The following MKI67 variants were observed in gnomAD, a reference collection of about 807,000 sequenced individuals.
MKI67 encodes proliferation marker protein Ki-67.
A neutral mutation model predicts 233.5 loss-of-function variants in MKI67; 152 were observed. The observed-to-expected ratio is 0.65, with a 90% CI of 0.57 to 0.74. The LOEUF is 0.74. Ranked by LOEUF, MKI67 falls within the 30% of genes least tolerant of loss-of-function variation. The pLI, the probability that MKI67 is intolerant of heterozygous loss-of-function variation, is 0.00. For synonymous variants in MKI67, 1,465 were observed against 1,418.5 expected (o/e 1.03, Z -0.74); for missense variants, 3,940 against 3,885.2 (o/e 1.01, Z -0.37).
chr10:128,125,771 C>A lies in MKI67; in HGVS notation c.-89-15G>T. Reference sequence around the variant, plus strand: ...CAACTCTTCCACTGCAAAAGAGGTGCGAGTTACTCTGATAGCAAAGGAGCT... The same window carrying A: ...CAACTCTTCCACTGCAAAAGAGGTGAGAGTTACTCTGATAGCAAAGGAGCT... On this transcript the variant is annotated splice_polypyrimidine_tract_variant and intron_variant, in intron 1 of 14. Coordinates refer to ENST00000368654, the MANE Select transcript of MKI67 (RefSeq NM_002417.5). The surrounding 1 kb of genome is among the most constrained non-coding windows in gnomAD (Gnocchi z 5.3). 1 of 952,644 alleles carries A rather than the reference C, an allele frequency of 1.0e-6. No individual in the cohort carries two copies. Among genetic ancestry groups the A allele is most frequent in the Non-Finnish European group, 1.7e-6 (1 of 589,930 alleles). The allele number at this position is 952,644 out of a possible 1,614,324, so 59.0% of individuals were successfully genotyped here.
At position 128,108,490 on chromosome 10, in the gene MKI67, T is replaced by C; in HGVS notation, c.3350A>G (p.Glu1117Gly). The change falls in exon 13 of 15, where the codon GAA becomes GGA. Residue 1117 changes from glutamate (E) to glycine (G), a missense_variant. Coordinates refer to ENST00000368654, the MANE Select transcript of MKI67 (RefSeq NM_002417.5). Reference sequence around the variant, plus strand: ...GGTAGTTTTCTCATCAGTCATTGATTCCTCAGAGGGACCTGGTGTCTGGAA... The same window carrying C: ...GGTAGTTTTCTCATCAGTCATTGATCCCTCAGAGGGACCTGGTGTCTGGAA... ...ELFQTPGPSE[E>G]SMTDEKTTKI... 2 of 1,613,972 alleles carry C rather than the reference T, an allele frequency of 1.2e-6. No homozygotes were observed. The highest frequency in any genetic ancestry group is 1.7e-6 in the Non-Finnish European group (2 of 1,180,012).
chr10:128,109,173 C>A lies in MKI67; in HGVS notation c.2667G>T (p.Val889=), dbSNP rs751978357. Reference sequence around the variant, plus strand: ...TATTTGTTTCTTCACTCTTACTTTCCACAGGTAGCTTCTGTATATTCCTGA... The same window carrying A: ...TATTTGTTTCTTCACTCTTACTTTCAACAGGTAGCTTCTGTATATTCCTGA... ...TEFRNIQKLP[V]ESKSEETNTE... The change falls in exon 13 of 15, where the codon GTG becomes GTT. Residue 889 remains valine, a synonymous_variant. Transcript: ENST00000368654. 1 of 1,614,118 alleles carries A rather than the reference C, an allele frequency of 6.2e-7. No homozygotes were observed.
chr10:128,103,779 T>A lies in MKI67; in HGVS notation c.8061A>T (p.Glu2687Asp). 1 of 1,613,898 alleles carries A rather than the reference T, an allele frequency of 6.2e-7. No individual in the cohort carries two copies. The highest frequency in any genetic ancestry group is 8.5e-7 in the Non-Finnish European group (1 of 1,179,980). ...EDLAGFTELSETSGHTQESLT... is the reference protein window; with the variant it reads ...EDLAGFTELSDTSGHTQESLT... ...GTGATTCCTGAGTGTGACCTGATGT[T>A]TCAGAGAGCTCTGTGAAGCCGGCCA... The change falls in exon 13 of 15, where the codon GAA becomes GAT. Residue 2687 changes from glutamate to aspartate, a missense_variant. Glu to Asp is a conservative substitution (Grantham distance 45). Coordinates refer to ENST00000368654, the MANE Select transcript of MKI67 (RefSeq NM_002417.5).
At chr10:128,111,863 C>A in intron 10 of MKI67, 47 bp from the exon 11 acceptor site, 1 of 1,608,068 alleles carries the variant, frequency 6.2e-7, no homozygotes. Flanking sequence ...AGCATAAATC[C>A]ACACTGAATG....
intron 14 of MKI67, 127 bp downstream of exon 14, chr10:128,101,131 T>C: frequency 1.2e-6 from 1 of 834,368 alleles, no homozygotes; most frequent in East Asian, 2.5e-5. Context: ...CTCCTTCCAT[T>C]AATGTAACTG....
At position 128,106,554 on chromosome 10, in the gene MKI67, T is replaced by G; in HGVS notation, c.5286A>C (p.Ala1762=). The change falls in exon 13 of 15, where the codon GCA becomes GCC. Residue 1762 remains alanine, a synonymous_variant. Coordinates refer to ENST00000368654, the MANE Select transcript of MKI67 (RefSeq NM_002417.5). ...KPQPKRSLRK[A]DTEEEFLAFR... ...ATGCTAAAAATTCTTCTTCAGTGTC[T>G]GCTTTCCTGAGACTTCTCTTGGGCT... 2 of 1,614,180 alleles carry G rather than the reference T, an allele frequency of 1.2e-6. No individual in the cohort carries two copies. Among genetic ancestry groups the G allele is most frequent in the Non-Finnish European group, 1.7e-6 (2 of 1,180,004 alleles).
chr10:128,103,234 G>T lies in MKI67; in HGVS notation c.8606C>A (p.Thr2869Lys). 1 of 1,614,070 alleles carries T rather than the reference G, an allele frequency of 6.2e-7. No homozygotes were observed. Among genetic ancestry groups the T allele is most frequent in the Non-Finnish European group, 8.5e-7 (1 of 1,180,024 alleles). Residue 2869 changes from threonine to lysine, a missense_variant, in exon 13 of 15, where the codon ACG becomes AAG. By Grantham distance (78) the Thr-to-Lys change is moderately conservative. Transcript: ENST00000368654. ...GKLTQTSGET[T>K]HTDKEPVGEG... ...ACCTACCGGCTCTTTGTCGGTGTGC[G>T]TGGTCTCCCCTGAGGTTTGTGTGAG...
At position 128,105,926 on chromosome 10, in the gene MKI67, T is replaced by C; in HGVS notation, c.5914A>G (p.Thr1972Ala). Residue 1972 changes from threonine (T) to alanine (A), a missense_variant, in exon 13 of 15, where the codon ACC becomes GCC. Transcript: ENST00000368654. ...GATACTTCTGTGATTTTGTCATCGG[T>C]CATTGATTCCTCAGTGTGACCTGGT... ...QTPGHTEESM[T>A]DDKITEVSCK... 1 of 1,614,074 alleles carries C rather than the reference T, an allele frequency of 6.2e-7. No homozygotes were observed. Among genetic ancestry groups the C allele is most frequent in the Non-Finnish European group, 8.5e-7 (1 of 1,180,002 alleles).
Position 128,107,270 on chromosome 10 carries a change from ATTC to A in MKI67, c.4567_4569del (p.Glu1523del), listed in dbSNP as rs774715163. 1.3e-4 allele frequency: 208 copies of A among 1,613,804 alleles called. No homozygotes were observed. In the African/African-American group the frequency reaches 2.3e-3, roughly 18 times the overall value. Reference sequence around the variant, plus strand: ...GGTGTTCGTTTCCTGAGTGCGAAGAATTCTTCTTCTACGTCCACTTTCCTGAGA... The same window carrying A: ...GGTGTTCGTTTCCTGAGTGCGAAGAATTCTTCTACGTCCACTTTCCTGAGA... On this transcript the variant is annotated inframe_deletion, in exon 13 of 15. Coordinates refer to ENST00000368654, the MANE Select transcript of MKI67 (RefSeq NM_002417.5).
In MKI67 at chr10:128,103,159, T is replaced by A. The variant is rs1324502676; in HGVS notation, c.8681A>T (p.Asp2894Val). The change falls in exon 13 of 15, where the codon GAC becomes GTC. Residue 2894 changes from aspartate (D) to valine (V), a missense_variant. Coordinates refer to ENST00000368654, the MANE Select transcript of MKI67 (RefSeq NM_002417.5). ...AFKQPAKRKL[D>V]AEDVIGSRRQ... ...CCTGCTGCCAATTACATCTTCTGCGTCCAGCTTCCGCTTTGCAGGTTGCTT... is the reference window on the plus strand; with the variant it reads ...CCTGCTGCCAATTACATCTTCTGCGACCAGCTTCCGCTTTGCAGGTTGCTT... 2 of 1,611,072 alleles carry A rather than the reference T, an allele frequency of 1.2e-6. No homozygotes were observed. The highest frequency in any genetic ancestry group is 2.2e-5 in the South Asian group (2 of 90,928).
rs1172178977 is a variant in MKI67, at chr10:128,110,421, A to G, written c.2373T>C (p.Thr791=). 1.9e-6 allele frequency: 3 copies of G among 1,585,200 alleles called. No individual in the cohort carries two copies. Among genetic ancestry groups the G allele is most frequent in the Non-Finnish European group, 1.7e-6 (2 of 1,157,408 alleles). ...GGAGCAGAGGTTCTTCTCCTGAATC[A>G]GTTCCTTGAAACTGTTTTCCAAGCA... ...ENLLGKQFQG[T]DSGEEPLLPT... is the part of the protein sequence containing the mutation. The change falls in exon 12 of 15, where the codon ACT becomes ACC. Residue 791 remains threonine (T), a synonymous_variant. Coordinates refer to ENST00000368654, the MANE Select transcript of MKI67 (RefSeq NM_002417.5).
chr10:128,112,469 A>G (rs1400637105), intron 8 of MKI67, 24 bp from the exon 9 acceptor site: 1 of 1,607,226 alleles, frequency 6.2e-7, no homozygotes, highest in South Asian at 1.1e-5. Flanking sequence ...ATTGTTTACA[A>G]GAAGCCTTAA....
chr10:128,115,552 G>C lies in MKI67; in HGVS notation c.856C>G (p.Leu286Val). ...SADGLQGETQ[L>V]LVSRKSRPKS... ...GGTCTTGACTTACGCGAGACCAACA[G>C]TTGGGTCTCCCCCTGTAAACCATCA... is the stretch of plus-strand genomic sequence containing the variant. The change falls in exon 7 of 15, where the codon CTG becomes GTG. Residue 286 changes from leucine (L) to valine (V), a missense_variant. By Grantham distance (32) the Leu-to-Val change is conservative (BLOSUM62 1). Transcript: ENST00000368654. The C allele has an allele frequency of 6.2e-7, 1 of 1,614,224 alleles. No individual in the cohort carries two copies.
In MKI67 at chr10:128,099,182, T is replaced by G. The variant is rs779913758; in HGVS notation, c.*8A>C. The G allele has an allele frequency of 3.7e-6, 6 of 1,606,584 alleles. No homozygotes were observed. In the African/African-American group the frequency reaches 6.7e-5, roughly 18 times the overall value. The stretch of plus-strand genomic sequence containing the variant: ...CTTTATTATATTTTTCCCAGTTCGA[T>G]TTTTCTGTCAAATATCTTCACTGTC... On this transcript the variant is annotated 3_prime_UTR_variant, in exon 15 of 15. Coordinates refer to ENST00000368654, the MANE Select transcript of MKI67 (RefSeq NM_002417.5).
At position 128,104,723 on chromosome 10, in the gene MKI67, A is replaced by T; in HGVS notation, c.7117T>A (p.Phe2373Ile). 6.2e-7 allele frequency: 1 copy of T among 1,613,696 alleles called. No individual in the cohort carries two copies. The highest frequency in any genetic ancestry group is 8.5e-7 in the Non-Finnish European group (1 of 1,179,956). ...NLRKADVEEE[F>I]LALRKRTPSA... ...GGTGTTCGTTTCCTGAGTGCTAAAA[A>T]TTCTTCCTCTACGTCTGCTTTCCTG... Residue 2373 changes from phenylalanine (F) to isoleucine (I), a missense_variant, in exon 13 of 15, where the codon TTT becomes ATT. Phe to Ile is a conservative substitution (Grantham distance 21, BLOSUM62 0). Coordinates refer to ENST00000368654, the MANE Select transcript of MKI67 (RefSeq NM_002417.5).
Position 128,109,054 on chromosome 10 carries a change from A to G in MKI67, c.2786T>C (p.Phe929Ser). 2 of 1,614,060 alleles carry G rather than the reference A, an allele frequency of 1.2e-6. No individual in the cohort carries two copies. The highest frequency in any genetic ancestry group is 1.7e-6 in the Non-Finnish European group (2 of 1,180,008). Residue 929 changes from phenylalanine (F) to serine (S), a missense_variant, in exon 13 of 15, where the codon TTT (phenylalanine) becomes TCT (serine). Physicochemically the swap from Phe to Ser is radical, Grantham distance 155. Transcript: ENST00000368654. ...EGEMKEIERP[F>S]ETYKENIELK... The stretch of plus-strand genomic sequence containing the variant: ...TTCAATATTTTCCTTATATGTCTCA[A>G]AAGGTCTTTCTATTTCCTTCATCTC...
At chr10:128,112,824 C>T (rs887708980) in intron 8 of MKI67, among the ~76,000 whole-genome samples, 2 of 152,144 alleles carry the variant, frequency 1.3e-5, no homozygotes, top group African/African-American at 4.8e-5. Context: ...GGGAGCCAGA[C>T]ATCACTTTCC....
intron 4 of MKI67, among the ~76,000 whole-genome samples, chr10:128,122,458 C>T (rs372637365): frequency 6.6e-6 from 1 of 152,016 alleles, no homozygotes; most frequent in Non-Finnish European, 1.5e-5. Flanking sequence ...ATATGAATTT[C>T]GGGAGAGCAC....
chr10:128,105,720 T>G lies in MKI67; in HGVS notation c.6120A>C (p.Lys2040Asn). The change falls in exon 13 of 15, where the codon AAA (lysine) becomes AAC (asparagine). Residue 2040 changes from lysine (K) to asparagine (N), a missense_variant. Coordinates refer to ENST00000368654, the MANE Select transcript of MKI67 (RefSeq NM_002417.5). ...RETAGDGKSI[K>N]AFKESAKQML... Reference sequence around the variant, plus strand: ...TCTGCTTTGCAGATTCCTTAAACGCTTTGATGCTCTTTCCATCTCCTGCTG... The same window carrying G: ...TCTGCTTTGCAGATTCCTTAAACGCGTTGATGCTCTTTCCATCTCCTGCTG... 1 of 1,614,154 alleles carries G rather than the reference T, an allele frequency of 6.2e-7. No individual in the cohort carries two copies. The highest frequency in any genetic ancestry group is 8.5e-7 in the Non-Finnish European group (1 of 1,180,012).
Sources: allele counts gnomAD v4.1 joint callset (sites outside exome capture counted in the v4.1 genomes callset), GRCh38; gene constraint gnomAD v4.1.1; non-coding constraint Gnocchi (gnomAD v3.1); transcripts MANE v1.5; gene names NCBI Gene and HGNC (gene_info 2026-07-23, HGNC 2026-07-21).